Variants in METTL2B observed in about 807,000 individuals in gnomAD.
METTL2B encodes methyltransferase 2B, tRNA N3-cytidine.
A neutral mutation model predicts 51.0 loss-of-function variants in METTL2B; 28 were observed. The ratio of observed to expected loss-of-function variants is 0.55; its 90% CI spans 0.41 to 0.75. The LOEUF (loss-of-function observed/expected upper bound fraction) is 0.75. Among genes scored for constraint, METTL2B ranks in the 30% least tolerant of loss-of-function variants. The probability of loss-of-function intolerance (pLI) is 0.00; values close to 1 mark genes in which losing one functional copy is unlikely to be tolerated. For synonymous variants in METTL2B, 128 were observed against 166.3 expected (o/e 0.77, Z 1.77); for missense variants, 313 against 460.7 (o/e 0.68, Z 2.93).
intron 4 of METTL2B, among the ~76,000 whole-genome samples, chr7:128,487,826 A>G (rs565879102): frequency 1.3e-4 from 20 of 152,112 alleles, no homozygotes; most frequent in South Asian, 4.2e-4. Context: ...TTGAGGGAAA[A>G]GTAGGATTTC....
At chr7:128,495,585 G>A (rs1436353776) in intron 6 of METTL2B, among the ~76,000 whole-genome samples, 1 of 151,840 alleles carries the variant, frequency 6.6e-6, no homozygotes, top group Non-Finnish European at 1.5e-5. Flanking sequence ...TGAGCAGCTG[G>A]GATTCAGACA....
chr7:128,498,716 C>G (rs929304476), intron 7 of METTL2B, among the ~76,000 whole-genome samples: 2 of 152,026 alleles, frequency 1.3e-5, no homozygotes, highest in African/African-American at 4.8e-5. Context: ...ATTTGAAAGA[C>G]AGCCGGGCGC....
chr7:128,495,901 T>C (rs1792915589), intron 6 of METTL2B, among the ~76,000 whole-genome samples: 1 of 152,216 alleles, frequency 6.6e-6, no homozygotes, highest in African/African-American at 2.4e-5. Context: ...ACTATACCCA[T>C]GAAATCATGA....
intron 5 of METTL2B, among the ~76,000 whole-genome samples, chr7:128,490,570 T>A (rs1162759714): frequency 6.6e-6 from 1 of 152,192 alleles, no homozygotes; most frequent in African/African-American, 2.4e-5. Flanking sequence ...TTACCTCTCA[T>A]TGTCCAGGGC....
chr7:128,488,387 C>G, intron 5 of METTL2B: 2 of 722,344 alleles, frequency 2.8e-6, no homozygotes, highest in Non-Finnish European at 4.9e-6. Context: ...GGCAACCCTG[C>G]ATCAAGCAAG....
At position 128,493,884 on chromosome 7, in the gene METTL2B, C is replaced by G. The variant is rs1157359298; in HGVS notation, c.750C>G (p.Pro250=). The part of the protein sequence containing the change: ...LCDEEKSYPV[P]KGSLDIIILI... The stretch of plus-strand genomic sequence containing the variant: ...ATGAAGAGAAGAGTTACCCAGTGCC[C>G]AAGGGCAGTCTTGATATTATCATTC... The change falls in exon 6 of 9, where the codon CCC becomes CCG. Residue 250 remains proline (P), a synonymous_variant. Coordinates refer to ENST00000262432, the MANE Select transcript of METTL2B (RefSeq NM_018396.3). 1.2e-6 allele frequency: 2 copies of G among 1,612,234 alleles called. No homozygotes were observed. Among genetic ancestry groups the G allele is most frequent in the East Asian group, 2.2e-5 (1 of 44,848 alleles).
chr7:128,491,170 A>AAAG (rs1563029338), intron 5 of METTL2B, among the ~76,000 whole-genome samples: 2 of 150,390 alleles, frequency 1.3e-5, no homozygotes, highest in African/African-American at 4.9e-5. Context: ...AAAAAAAAAA[A>AAAG]AAATGTGTCT....
intron 5 of METTL2B, among the ~76,000 whole-genome samples, chr7:128,491,315 G>T (rs1343624850): frequency 2.0e-5 from 3 of 151,362 alleles, no homozygotes; most frequent in Non-Finnish European, 4.4e-5. Context: ...CAAAAACTAG[G>T]CCGGGTGCAG....
At chr7:128,500,439 G>A (rs1793008576) in intron 7 of METTL2B, among the ~76,000 whole-genome samples, 1 of 152,160 alleles carries the variant, frequency 6.6e-6, no homozygotes, top group Non-Finnish European at 1.5e-5. Flanking sequence ...TAGCCAACAT[G>A]GTGAAACCTT....
chr7:128,501,316 C>A, intron 8 of METTL2B: 3 of 985,420 alleles, frequency 3.0e-6, no homozygotes, highest in Non-Finnish European at 3.6e-6. Context: ...CAGGGTGAAC[C>A]CTGGGTTCTA....
rs1793040832 is a variant in METTL2B at position 128,502,074 on chromosome 7, A to G, written c.*158A>G. On this transcript the variant is annotated 3_prime_UTR_variant, in exon 9 of 9. Coordinates refer to ENST00000262432, the MANE Select transcript of METTL2B (RefSeq NM_018396.3). ...GAGCCCAGGAGTCCAGCCTGGGCAA[A>G]ATAGCGAGAGACCCTGAATCTGAAA... 1 of 946,706 alleles carries G rather than the reference A, an allele frequency of 1.1e-6. No homozygotes were observed. Among genetic ancestry groups the G allele is most frequent in the Admixed American group, 2.7e-5 (1 of 37,140 alleles). 58.6% of individuals were successfully genotyped at this position (946,706 alleles called of 1,614,324 possible).
chr7:128,504,671 A>T lies in METTL2B; in HGVS notation c.*2755A>T, dbSNP rs1484701695. The T allele has an allele frequency of 6.7e-6, 1 of 149,144 alleles. No individual in the cohort carries two copies. Among genetic ancestry groups the T allele is most frequent in the East Asian group, 2.1e-4 (1 of 4,804 alleles). The allele number at this position is 149,144 out of a possible 1,614,324, so 9.2% of individuals were successfully genotyped here. On this transcript the variant is annotated 3_prime_UTR_variant, in exon 9 of 9. Transcript: ENST00000262432. ...CGCCCGGCCAAGACCCTGACTTTTT[A>T]AAAAATGTTAAACATAGGCCGGGTG...
At position 128,502,765 on chromosome 7, in the gene METTL2B, G is replaced by T. The variant is rs1240957476; in HGVS notation, c.*849G>T. On this transcript the variant is annotated 3_prime_UTR_variant, in exon 9 of 9. Coordinates refer to ENST00000262432, the MANE Select transcript of METTL2B (RefSeq NM_018396.3). ...GATAAAAAAATTAGCTGGGTGTGTT[G>T]GTGGGTGCCTGTAATCCAGCTACTC... The T allele has an allele frequency of 2.9e-6, 1 of 340,000 alleles. No individual in the cohort carries two copies. The highest frequency in any genetic ancestry group is 2.1e-5 in the South Asian group (1 of 46,880). 21.1% of individuals were successfully genotyped at this position (340,000 alleles called of 1,614,324 possible). A position where few individuals can be genotyped will look rare whatever the true frequency, so the allele number is the denominator to read the frequency against.
chr7:128,489,853 C>T (rs1325535136), intron 5 of METTL2B, among the ~76,000 whole-genome samples: 3 of 151,942 alleles, frequency 2.0e-5, no homozygotes, highest in South Asian at 2.1e-4. Flanking sequence ...TGGTCTCGAT[C>T]TCCTGACCTC....
At chr7:128,485,271 G>A (rs1291610630) in intron 4 of METTL2B, among the ~76,000 whole-genome samples, 1 of 152,128 alleles carries the variant, frequency 6.6e-6, no homozygotes, top group Non-Finnish European at 1.5e-5. Context: ...AGTGGCCCAT[G>A]CCTATAATCC....
chr7:128,477,277 G>A (rs1799814814), intron 2 of METTL2B, 104 bp downstream of exon 2: 3 of 1,466,464 alleles, frequency 2.0e-6, no homozygotes, highest in Non-Finnish European at 2.8e-6. Flanking sequence ...CTTTATTCCT[G>A]GCCTGATGCG....
chr7:128,478,021 A>T (rs1799825044), intron 2 of METTL2B: 1 of 419,412 alleles, frequency 2.4e-6, no homozygotes, highest in South Asian at 1.6e-5. Context: ...CAGTAGTGGA[A>T]CTAAAATCCT....
intron 5 of METTL2B, among the ~76,000 whole-genome samples, chr7:128,491,626 C>T (rs544328292): frequency 1.0e-3 from 150 of 149,408 alleles, no homozygotes; most frequent in Non-Finnish European, 1.3e-3. Flanking sequence ...ACTAGCAGGA[C>T]GTGGTGGCAT....
chr7:128,479,328 G>C lies in METTL2B; in HGVS notation c.373G>C (p.Glu125Gln). 1 of 1,614,218 alleles carries C rather than the reference G, an allele frequency of 6.2e-7. No homozygotes were observed. The highest frequency in any genetic ancestry group is 8.5e-7 in the Non-Finnish European group (1 of 1,180,020). ...WFLENKSEVC[E>Q]CRNNEDGPGL... ...CTTGGAGAACAAGAGTGAAGTATGT[G>C]AATGTAGAAACAATGAGGATGGACC... is the stretch of plus-strand genomic sequence containing the variant. Residue 125 changes from glutamate to glutamine, a missense_variant, in exon 3 of 9, where the codon GAA becomes CAA. This residue lies in a region of METTL2B where 67 missense variants were observed against 101.4 expected (regional missense o/e 0.66). Coordinates refer to ENST00000262432, the MANE Select transcript of METTL2B (RefSeq NM_018396.3).
Sources: allele counts gnomAD v4.1 joint callset (sites outside exome capture counted in the v4.1 genomes callset), GRCh38; gene constraint gnomAD v4.1.1; regional missense constraint gnomAD v4.1.1; transcripts MANE v1.5; gene names NCBI Gene and HGNC (gene_info 2026-07-23, HGNC 2026-07-21).